Variants in HCRTR2 observed in about 807,000 individuals in gnomAD.
The protein encoded by HCRTR2 is orexin receptor type 2.
Under a neutral mutation model 49.0 loss-of-function variants are expected in HCRTR2, and 22 were observed. That is an observed-to-expected ratio of 0.45 (90% CI 0.32 to 0.64). The LOEUF is 0.64. Among genes scored for constraint, HCRTR2 ranks in the 30% least tolerant of loss-of-function variants. The probability of loss-of-function intolerance (pLI) is 0.04; values close to 1 mark genes in which losing one functional copy is unlikely to be tolerated. For missense variants in HCRTR2, 491 were observed against 559.4 expected, an observed-to-expected ratio of 0.88 and a Z score of 1.23; for synonymous variants, 236 against 205.3, an observed-to-expected ratio of 1.15 and a Z score of -1.28.
At chr6:55,145,798 C>T (rs1764573468) in intron 1 of HCRTR2, among the ~76,000 whole-genome samples, 1 of 151,930 alleles carries the variant, frequency 6.6e-6, no homozygotes, top group Admixed American at 6.6e-5. Flanking sequence ...ATATTCTCTC[C>T]CCTGTATATA....
intron 1 of HCRTR2, among the ~76,000 whole-genome samples, chr6:55,154,387 C>T (rs1005634989): frequency 5.3e-5 from 8 of 151,768 alleles, no homozygotes; most frequent in Non-Finnish European, 1.0e-4. Context: ...AAAATCCTAG[C>T]AAACTAAATT....
chr6:55,254,916 A>G (rs1766621217), intron 2 of HCRTR2, among the ~76,000 whole-genome samples: 1 of 152,130 alleles, frequency 6.6e-6, no homozygotes, highest in Non-Finnish European at 1.5e-5. Context: ...ATACCTTTTC[A>G]TGTTTAACAA....
intron 5 of HCRTR2, among the ~76,000 whole-genome samples, chr6:55,278,085 A>G (rs1436225074): frequency 6.6e-6 from 1 of 152,210 alleles, no homozygotes. Context: ...AAAAAAAGCC[A>G]TCAAGGCAGA....
intron 1 of HCRTR2, among the ~76,000 whole-genome samples, chr6:55,120,351 T>C (rs1764179400): frequency 6.6e-6 from 1 of 152,082 alleles, no homozygotes; most frequent in Admixed American, 6.6e-5. Flanking sequence ...TTGGGCAGTA[T>C]GGCCATTTTC....
intron 4 of HCRTR2, among the ~76,000 whole-genome samples, chr6:55,271,849 T>C (rs1428196535): frequency 6.6e-6 from 1 of 152,108 alleles, no homozygotes; most frequent in Non-Finnish European, 1.5e-5. Flanking sequence ...GATAGATTTG[T>C]TTTAAAAGGC....
At chr6:55,163,263 A>AACAAACAAAC (rs1331225782) in intron 1 of HCRTR2, among the ~76,000 whole-genome samples, 2 of 151,138 alleles carry the variant, frequency 1.3e-5, no homozygotes, top group African/African-American at 4.9e-5. Flanking sequence ...AACAACAAAA[A>AACAAACAAAC]AAAAAAAACT....
chr6:55,190,923 A>G (rs1012618271), intron 1 of HCRTR2, among the ~76,000 whole-genome samples: 2 of 152,144 alleles, frequency 1.3e-5, no homozygotes, highest in African/African-American at 2.4e-5. Flanking sequence ...GGGAAAAGTA[A>G]CCTCCTGTTA....
chr6:55,180,805 AT>A (rs200515216), intron 1 of HCRTR2, among the ~76,000 whole-genome samples: 4,232 of 145,198 alleles, frequency 0.029, 66 homozygotes, highest in Non-Finnish European at 0.038. Flanking sequence ...ACTTTTTTTA[AT>A]TTTTTTTTTT....
chr6:55,156,356 C>T (rs1022261128), intron 1 of HCRTR2, among the ~76,000 whole-genome samples: 7 of 151,986 alleles, frequency 4.6e-5, no homozygotes, highest in Non-Finnish European at 1.5e-5. Context: ...ATAAAGAACA[C>T]ATAATAATCT....
intron 5 of HCRTR2, among the ~76,000 whole-genome samples, chr6:55,279,329 C>T (rs900723395): frequency 3.3e-5 from 5 of 151,972 alleles, no homozygotes; most frequent in Non-Finnish European, 7.4e-5. Flanking sequence ...AATTTCTTTA[C>T]AACAGTTCAG....
chr6:55,205,611 A>G (rs2127287775), intron 1 of HCRTR2, among the ~76,000 whole-genome samples: 1 of 152,238 alleles, frequency 6.6e-6, no homozygotes, highest in Admixed American at 6.5e-5. Context: ...AGACATTTAT[A>G]CTGACAATTC....
Position 55,167,048 on chromosome 6 carries a change from T to C in HCRTR2, c.-377-7163T>C, listed in dbSNP as rs116051328. Among the ~76,000 whole-genome samples, 1,135 of 152,272 alleles carry C rather than the reference T, an allele frequency of 7.5e-3. 11 individuals carry two copies. Among genetic ancestry groups the C allele is most frequent in the African/African-American group, 0.026 (1,066 of 41,542 alleles). ...GGGAGGAGAGGAAAATCAGTAGTTA[T>C]GAGGTTTCTGGAATTAGTAGTGCTG... is the stretch of plus-strand genomic sequence containing the variant. On this transcript the variant is annotated intron_variant, in intron 1 of 7. Transcript: ENST00000615358.
At chr6:55,282,656 A>G (rs112340692), downstream of HCRTR2, 3,198 of 582,198 alleles carry the variant, frequency 5.5e-3, 72 homozygotes, top group African/African-American at 0.05. Context: ...TTAGAAGTTT[A>G]ACCTTCAATT....
At chr6:55,232,690 T>G (rs943627163) in intron 1 of HCRTR2, among the ~76,000 whole-genome samples, 2 of 152,204 alleles carry the variant, frequency 1.3e-5, no homozygotes, top group Non-Finnish European at 2.9e-5. Flanking sequence ...AATCTATAAT[T>G]TTTAGTGAAC....
intron 1 of HCRTR2, among the ~76,000 whole-genome samples, chr6:55,220,868 A>T (rs1170925695): frequency 6.6e-6 from 1 of 152,166 alleles, no homozygotes; most frequent in Non-Finnish European, 1.5e-5. Context: ...GCAGAACATA[A>T]AATCGAAATG....
chr6:55,227,616 G>T (rs1766034662), intron 1 of HCRTR2, among the ~76,000 whole-genome samples: 1 of 152,000 alleles, frequency 6.6e-6, no homozygotes. Flanking sequence ...TCATCTAATT[G>T]TTTCCTATTC....
At chr6:55,119,334 T>G (rs1204075630) in intron 1 of HCRTR2, among the ~76,000 whole-genome samples, 4 of 152,046 alleles carry the variant, frequency 2.6e-5, no homozygotes, top group African/African-American at 9.7e-5. Context: ...ATTTCTAGTT[T>G]TAGATCCTTG....
At chr6:55,250,866 G>GA (rs1388506133) in intron 2 of HCRTR2, among the ~76,000 whole-genome samples, 2 of 152,018 alleles carry the variant, frequency 1.3e-5, no homozygotes, top group African/African-American at 4.8e-5. Context: ...TAGAGCAAGG[G>GA]AAAAAACTAC....
chr6:55,107,271 A>G (rs1581775669), intron 1 of HCRTR2, among the ~76,000 whole-genome samples: 1 of 152,280 alleles, frequency 6.6e-6, no homozygotes, highest in Admixed American at 6.5e-5. Context: ...TTCAAATACT[A>G]TAAAAGGATA....
Sources: gnomAD v4.1 joint callset for allele counts (sites outside exome capture counted in the v4.1 genomes callset) on GRCh38, gnomAD v4.1.1 for gene constraint, MANE v1.5 for transcripts, NCBI Gene and HGNC (gene_info 2026-07-23, HGNC 2026-07-21) for gene names.